ERICH2: variants seen among roughly 807,000 people sequenced by gnomAD.
ERICH2 encodes glutamate rich 2.
Under a neutral mutation model 17.4 loss-of-function variants are expected in ERICH2, and 17 were observed. That is an observed-to-expected ratio of 0.98 (90% CI 0.67 to 1.47). The LOEUF is 1.47. Ranked by LOEUF, ERICH2 falls within the 40% of genes most tolerant of loss-of-function variation. ERICH2 has a pLI of 0.00. For missense variants in ERICH2, 186 were observed against 183.2 expected (o/e 1.01, Z -0.09); for synonymous variants, 51 against 61.1 (o/e 0.83, Z 0.77).
intron 4 of ERICH2, 93 bp from the exon 10 acceptor site, chr2:170,798,677 G>A: frequency 6.9e-7 from 1 of 1,439,036 alleles, no homozygotes; most frequent in East Asian, 2.5e-5. Context: ...ACAAATATAT[G>A]TATTTCTTGG....
At chr2:170,784,744 G>T (rs1160828865) in exon 2 of ERICH2, 4 of 1,546,746 alleles carry the variant, frequency 2.6e-6, no homozygotes, top group Non-Finnish European at 3.5e-6. Flanking sequence ...AGCAGAGGAT[G>T]ATGGTGAAGA....
intron 2 of ERICH2, among the ~76,000 whole-genome samples, chr2:170,789,333 C>T (rs1006318206): frequency 6.6e-6 from 1 of 152,218 alleles, no homozygotes; most frequent in South Asian, 2.1e-4. Flanking sequence ...CCCGTAAATA[C>T]TCAAGCATGG....
intron 4 of ERICH2, 88 bp downstream of exon 9, chr2:170,798,200 A>C: frequency 1.1e-6 from 1 of 895,976 alleles, no homozygotes; most frequent in Non-Finnish European, 1.8e-6. Flanking sequence ...TTGTCGATAC[A>C]TCTTTAGGAA....
the ERICH2 span, chr2:170,777,751 A>G: frequency 9.8e-7 from 1 of 1,018,986 alleles, no homozygotes; most frequent in Non-Finnish European, 1.3e-6. Flanking sequence ...TAGATAATGC[A>G]GCCATTTGTC....
At chr2:170,798,703 G>A (rs1701489593) in intron 4 of ERICH2, 67 bp from the exon 10 acceptor site, 3 of 1,534,414 alleles carry the variant, frequency 2.0e-6, no homozygotes, top group Non-Finnish European at 2.6e-6. Context: ...GGAGGGGCAA[G>A]GAGAATTATT....
intron 2 of ERICH2, among the ~76,000 whole-genome samples, chr2:170,789,381 T>C (rs1025096070): frequency 3.9e-5 from 6 of 152,232 alleles, no homozygotes; most frequent in African/African-American, 1.4e-4. Context: ...CACTATATCC[T>C]TATCACAACT....
chr2:170,785,732 T>C (rs575207405), intron 2 of ERICH2, among the ~76,000 whole-genome samples: 4 of 152,222 alleles, frequency 2.6e-5, no homozygotes, highest in South Asian at 2.1e-4. Flanking sequence ...GAGGCAAGTA[T>C]AGAATTCATC....
rs186020320 is a variant in ERICH2 at position 170,795,742 on chromosome 2, C to G, written c.275-2299C>G. On this transcript the variant is annotated intron_variant, in intron 3 of 4. Coordinates refer to ENST00000409885, the Ensembl canonical transcript of ERICH2. ...AGTGACTATGAGATTTGGTGCCAATCAATCTTCCTATTTTTTGGTCACTTC... is the reference window on the plus strand; with the variant it reads ...AGTGACTATGAGATTTGGTGCCAATGAATCTTCCTATTTTTTGGTCACTTC... Among the ~76,000 whole-genome samples the G allele has an allele frequency of 2.1e-4, 32 of 152,334 alleles. 1 individual carries two copies. The highest frequency in any genetic ancestry group is 6.0e-4 in the African/African-American group (25 of 41,574).
At chr2:170,786,483 G>C (rs538537627) in intron 2 of ERICH2, among the ~76,000 whole-genome samples, 9 of 151,858 alleles carry the variant, frequency 5.9e-5, no homozygotes, top group Non-Finnish European at 1.0e-4. Flanking sequence ...CCTAGGTGTG[G>C]TTTTCCTCAT....
At chr2:170,783,705 A>C (rs1701081495), upstream of ERICH2, 2 of 1,309,690 alleles carry the variant, frequency 1.5e-6, no homozygotes, top group East Asian at 5.1e-5. Flanking sequence ...ACTGTTTGTG[A>C]AGTAAATGAG....
chr2:170,773,075 A>G, the ERICH2 span, among the ~76,000 whole-genome samples: 4 of 152,080 alleles, frequency 2.6e-5, no homozygotes, highest in Non-Finnish European at 5.9e-5. Context: ...AATAATACCA[A>G]CTGGGGAGGT....
the ERICH2 span, among the ~76,000 whole-genome samples, chr2:170,773,339 C>G: frequency 6.6e-6 from 1 of 152,228 alleles, no homozygotes; most frequent in Non-Finnish European, 1.5e-5. Context: ...TAAGTCAGAT[C>G]TGTGTCACTG....
At chr2:170,785,086 A>G (rs1198440613) in intron 2 of ERICH2, among the ~76,000 whole-genome samples, 2 of 152,158 alleles carry the variant, frequency 1.3e-5, no homozygotes, top group Admixed American at 1.3e-4. Context: ...TATAGTTAAC[A>G]GTAGTTTATT....
chr2:170,784,231 G>A (rs1701096194), intron 1 of ERICH2, among the ~76,000 whole-genome samples: 1 of 152,150 alleles, frequency 6.6e-6, no homozygotes, highest in Admixed American at 6.5e-5. Context: ...GGAGCCAGCA[G>A]GCTCACTCAG....
At chr2:170,779,941 T>C, upstream of ERICH2, 1 of 573,374 alleles carries the variant, frequency 1.7e-6, no homozygotes, top group Non-Finnish European at 2.2e-6. Flanking sequence ...GTATAAATCA[T>C]TTTATGACAA....
intron 2 of ERICH2, among the ~76,000 whole-genome samples, chr2:170,787,937 G>A (rs967259740): frequency 6.6e-6 from 1 of 152,086 alleles, no homozygotes; most frequent in Non-Finnish European, 1.5e-5. Flanking sequence ...CTAATTTTAT[G>A]GTTGTTTAAG....
the ERICH2 span, among the ~76,000 whole-genome samples, chr2:170,773,249 A>T: frequency 6.6e-6 from 1 of 152,344 alleles, no homozygotes; most frequent in Admixed American, 6.5e-5. Context: ...CTGTAAACTG[A>T]TTTCTTCCCA....
the ERICH2 span, chr2:170,777,180 G>A: frequency 2.5e-5 from 4 of 158,598 alleles, no homozygotes; most frequent in Middle Eastern, 1.5e-3. Flanking sequence ...CTGTAAAGGT[G>A]AGAGTATATA....
intron 4 of ERICH2, 119 bp downstream of exon 9, chr2:170,798,231 T>C: frequency 1.4e-6 from 1 of 716,250 alleles, no homozygotes; most frequent in Non-Finnish European, 2.4e-6. Flanking sequence ...AAAGGCTAAA[T>C]GGCTGTCTTA....
Sources: gnomAD v4.1 joint callset for allele counts (sites outside exome capture counted in the v4.1 genomes callset) on GRCh38, gnomAD v4.1.1 for gene constraint, MANE v1.5 for transcripts, NCBI Gene and HGNC (gene_info 2026-07-23, HGNC 2026-07-21) for gene names.